Variants in KIF9 observed in about 807,000 individuals in gnomAD.
KIF9 encodes kinesin family member 9.
KIF9 carries 68 observed loss-of-function variants against 94.8 expected under a neutral mutation model. The ratio of observed to expected loss-of-function variants is 0.72; its 90% CI spans 0.59 to 0.88. The LOEUF (loss-of-function observed/expected upper bound fraction) is 0.88, where lower values mean the gene tolerates loss of function less well. Among genes scored for constraint, KIF9 ranks in the 40% least tolerant of loss-of-function variants. The pLI is 0.00. For synonymous variants in KIF9, 343 were observed against 362.1 expected, an observed-to-expected ratio of 0.95 and a Z score of 0.60; for missense variants, 882 against 982.5, an observed-to-expected ratio of 0.90 and a Z score of 1.37.
At chr3:47,242,605 G>A (rs1699647946) in intron 16 of KIF9, among the ~76,000 whole-genome samples, 1 of 152,094 alleles carries the variant, frequency 6.6e-6, no homozygotes, top group African/African-American at 2.4e-5. Flanking sequence ...TATATATTTT[G>A]CTTTTTAAAT....
chr3:47,273,838 A>C (rs1196762672), intron 3 of KIF9, among the ~76,000 whole-genome samples, 180 bp from the exon 4 acceptor site: 2 of 152,164 alleles, frequency 1.3e-5, no homozygotes, highest in Non-Finnish European at 2.9e-5. Flanking sequence ...ACAGGGACAA[A>C]AGTGGTCAAA....
At chr3:47,256,217 G>T (rs536127595) in intron 10 of KIF9, among the ~76,000 whole-genome samples, 2 of 151,986 alleles carry the variant, frequency 1.3e-5, no homozygotes, top group African/African-American at 2.4e-5. Flanking sequence ...CTGCGTGGCC[G>T]CCCATCGTCT....
Position 47,248,313 on chromosome 3 carries a change from CTTTGCTACT to C in KIF9, c.1060-236_1060-228del, listed in dbSNP as rs954897793. 6 of 527,030 alleles carry C rather than the reference CTTTGCTACT, an allele frequency of 1.1e-5. No individual in the cohort carries two copies. In the African/African-American group the frequency reaches 1.2e-4, roughly 10 times the overall value. The allele number at this position is 527,030 out of a possible 1,614,324, so 32.6% of individuals were successfully genotyped here. ...GGGAGGACCTGAACAGTCCCCTGGCCTTTGCTACTGCCAGTAGAAGAGACAGCACAAGCC... is the reference window on the plus strand; with the variant it reads ...GGGAGGACCTGAACAGTCCCCTGGCCGCCAGTAGAAGAGACAGCACAAGCC... On this transcript the variant is annotated intron_variant, in intron 10 of 20. Coordinates refer to ENST00000684063, the MANE Select transcript of KIF9 (RefSeq NM_182902.4).
intron 17 of KIF9, chr3:47,239,686 C>T: frequency 8.6e-7 from 1 of 1,164,034 alleles, no homozygotes; most frequent in Non-Finnish European, 1.1e-6. Context: ...CTCCTGGGCT[C>T]AAGCGATTTT....
rs1304170503 is a variant in KIF9 at position 47,236,347 on chromosome 3, AG to A, written c.2101+95del. 146 of 1,386,128 alleles carry A rather than the reference AG, an allele frequency of 1.1e-4. No individual in the cohort carries two copies. In the East Asian group the frequency reaches 2.4e-3, roughly 23 times the overall value. The allele number at this position is 1,386,128 out of a possible 1,614,324, so 85.9% of individuals were successfully genotyped here. On this transcript the variant is annotated intron_variant, in intron 18 of 20. Coordinates refer to ENST00000684063, the MANE Select transcript of KIF9 (RefSeq NM_182902.4). ...CCTGCCCAGCCCCTGGCTCTGCCAG[AG>A]AGAAACTCTGAGGGTGCTTCCAGAA...
In KIF9 at chr3:47,247,449, G is replaced by C; in HGVS notation, c.1157C>G (p.Pro386Arg). ...CTCAGCAATCTGGATTTCATCCATG[G>C]GGTCATAGGTCACAAAGGTGCGGTT... Reference protein sequence around the residue: ...LTNRTFVTYDPMDEIQIAEIN... With the variant: ...LTNRTFVTYDRMDEIQIAEIN... The change falls in exon 12 of 21, where the codon CCC (proline) becomes CGC (arginine). Residue 386 changes from proline (P) to arginine (R), a missense_variant. Coordinates refer to ENST00000684063, the MANE Select transcript of KIF9 (RefSeq NM_182902.4). The C allele has an allele frequency of 1.2e-6, 2 of 1,613,796 alleles. No individual in the cohort carries two copies. The highest frequency in any genetic ancestry group is 1.7e-6 in the Non-Finnish European group (2 of 1,179,726).
intron 10 of KIF9, among the ~76,000 whole-genome samples, chr3:47,256,030 G>T (rs1046732515): frequency 6.6e-6 from 1 of 152,236 alleles, no homozygotes; most frequent in African/African-American, 2.4e-5. Flanking sequence ...CCGAGGTGCC[G>T]GGATTGCAGA....
At chr3:47,272,297 T>C (rs1479677031) in intron 4 of KIF9, among the ~76,000 whole-genome samples, 6 of 152,152 alleles carry the variant, frequency 3.9e-5, no homozygotes, top group Non-Finnish European at 8.8e-5. Flanking sequence ...TTGTTCAAAA[T>C]AGTAGACACA....
chr3:47,257,182 CA>C (rs199521118), intron 10 of KIF9, among the ~76,000 whole-genome samples: 4,934 of 144,478 alleles, frequency 0.034, 228 homozygotes, highest in East Asian at 0.13. Flanking sequence ...TATTGACTGG[CA>C]AAAAAAAAAA....
chr3:47,229,837 G>A (rs539272422), intron 20 of KIF9, among the ~76,000 whole-genome samples: 25 of 151,960 alleles, frequency 1.6e-4, no homozygotes, highest in African/African-American at 5.5e-4. Flanking sequence ...GGGTTCAAGC[G>A]ATTCTCCTGC....
intron 20 of KIF9, among the ~76,000 whole-genome samples, chr3:47,230,364 G>C (rs1698470188): frequency 6.6e-6 from 1 of 151,934 alleles, no homozygotes; most frequent in African/African-American, 2.4e-5. Context: ...GATCCCTTGA[G>C]TCTAGGAACT....
In KIF9 at chr3:47,275,427, AGTCT is replaced by A. The variant is rs1294115039; in HGVS notation, c.153_156del (p.Asp52GlyfsTer51). Reference sequence around the variant, plus strand: ...AGAACTCCATCCAACTTAAACGACCAGTCTGTCTGTTGGTTATTGACAACTCCTC... The same window carrying A: ...AGAACTCCATCCAACTTAAACGACCAGTCTGTTGGTTATTGACAACTCCTC... On this transcript the variant is annotated frameshift_variant, in exon 3 of 21. Transcript: ENST00000684063. LOFTEE classifies it high-confidence loss of function. The A allele has an allele frequency of 1.2e-6, 2 of 1,613,458 alleles. No homozygotes were observed.
rs34079988 is a variant in KIF9 at position 47,231,404 on chromosome 3, C to CTTT, written c.2323-2705_2323-2703dup. ...GAATCTCAGGCTCCATCAGTATCTACTTTTTTTTTTTTTTTTTTTTTTTTT... is the reference window on the plus strand; with the variant it reads ...GAATCTCAGGCTCCATCAGTATCTACTTTTTTTTTTTTTTTTTTTTTTTTTTTT... On this transcript the variant is annotated intron_variant, in intron 20 of 20. Transcript: ENST00000684063. 6.1e-4 allele frequency among the ~76,000 whole-genome samples: 49 copies of CTTT among 79,784 alleles called. 6 individuals are homozygous for CTTT. The highest frequency in any genetic ancestry group is 1.8e-3 in the African/African-American group (32 of 17,892). 52.3% of individuals were successfully genotyped at this position (79,784 alleles called of 152,430 possible).
At chr3:47,229,263 C>A in intron 20 of KIF9, among the ~76,000 whole-genome samples, 1 of 152,212 alleles carries the variant, frequency 6.6e-6, no homozygotes, top group East Asian at 1.9e-4. Context: ...CCATATTAAA[C>A]TGGAATTCTT....
At chr3:47,235,449 A>G (rs1476077526) in intron 20 of KIF9, 64 bp downstream of exon 20, 14 of 1,119,822 alleles carry the variant, frequency 1.3e-5, no homozygotes, top group Non-Finnish European at 2.7e-6. Context: ...AGTAGGGAAT[A>G]TGATCCTGGG....
At chr3:47,281,501 C>G (rs1702350092) in intron 1 of KIF9, among the ~76,000 whole-genome samples, 1 of 152,162 alleles carries the variant, frequency 6.6e-6, no homozygotes, top group Admixed American at 6.5e-5. Context: ...GCGTGCACCA[C>G]CACGCCCGGG....
intron 16 of KIF9, among the ~76,000 whole-genome samples, chr3:47,241,887 T>TCA (rs1559428929): frequency 2.1e-4 from 3 of 14,110 alleles, no homozygotes; most frequent in African/African-American, 2.6e-4. Flanking sequence ...TATATATATT[T>TCA]TTTTTTTTTT....
chr3:47,255,993 C>G (rs552239497), intron 10 of KIF9, among the ~76,000 whole-genome samples: 2 of 152,222 alleles, frequency 1.3e-5, no homozygotes, highest in Non-Finnish European at 2.9e-5. Flanking sequence ...AGCTCCTAAC[C>G]GCGAGTGATC....
chr3:47,236,553 T>C lies in KIF9; in HGVS notation c.1991A>G (p.Lys664Arg). The C allele has an allele frequency of 6.2e-7, 1 of 1,614,126 alleles. No individual in the cohort carries two copies. Reference protein sequence around the residue: ...EEEFLLILKLKDLKKQYRSEY... With the variant: ...EEEFLLILKLRDLKKQYRSEY... ...GCTGCGGTACTGCTTCTTGAGGTCT[T>C]TGAGCTTGAGGATCAGCAGGAATTC... is the stretch of plus-strand genomic sequence containing the variant. Residue 664 changes from lysine (K) to arginine (R), a missense_variant, in exon 18 of 21, where the codon AAA becomes AGA. Physicochemically the swap from Lys to Arg is conservative, Grantham distance 26 (BLOSUM62 2). Coordinates refer to ENST00000684063, the MANE Select transcript of KIF9 (RefSeq NM_182902.4).
Sources: gnomAD v4.1 joint callset for allele counts (sites outside exome capture counted in the v4.1 genomes callset) on GRCh38, gnomAD v4.1.1 for gene constraint, MANE v1.5 for transcripts, NCBI Gene and HGNC (gene_info 2026-07-23, HGNC 2026-07-21) for gene names.